Variants in RBFOX3 observed in about 807,000 individuals in gnomAD.
The protein encoded by RBFOX3 is RNA binding protein fox-1 homolog 3.
RBFOX3 carries 17 observed loss-of-function variants against 48.7 expected under a neutral mutation model. The ratio of observed to expected loss-of-function variants is 0.35; its 90% CI spans 0.24 to 0.52. The LOEUF (loss-of-function observed/expected upper bound fraction) is 0.52. Ranked by LOEUF, RBFOX3 falls within the 20% of genes least tolerant of loss-of-function variation. RBFOX3 has a pLI of 0.94. For missense variants in RBFOX3, 382 were observed against 497.5 expected, an observed-to-expected ratio of 0.77 and a Z score of 2.21; for synonymous variants, 212 against 209.5, an observed-to-expected ratio of 1.01 and a Z score of -0.10.
At chr17:79,424,423 C>G (rs1386985489) in intron 2 of RBFOX3, among the ~76,000 whole-genome samples, 1 of 152,184 alleles carries the variant, frequency 6.6e-6, no homozygotes, top group Non-Finnish European at 1.5e-5. Flanking sequence ...GCTGGCGGAG[C>G]CTGCCCTAAG....
At chr17:79,620,566 C>T in the RBFOX3 span, among the ~76,000 whole-genome samples, 97 of 136,046 alleles carry the variant, frequency 7.1e-4, no homozygotes, top group African/African-American at 2.2e-3. Context: ...TGTGCACACC[C>T]GCGCGTGCAC....
At chr17:79,585,807 C>T (rs902894644) in intron 1 of RBFOX3, among the ~76,000 whole-genome samples, 4 of 152,108 alleles carry the variant, frequency 2.6e-5, no homozygotes, top group Non-Finnish European at 5.9e-5. Flanking sequence ...CCTGATGGGC[C>T]GAGAGACAAG....
At chr17:79,616,639 T>C in the RBFOX3 span, among the ~76,000 whole-genome samples, 1 of 150,444 alleles carries the variant, frequency 6.6e-6, no homozygotes, top group African/African-American at 2.4e-5. Flanking sequence ...CTGCCAGGCC[T>C]GCTACCGCTG....
intron 4 of RBFOX3, among the ~76,000 whole-genome samples, chr17:79,206,362 G>T (rs1317504099): frequency 6.6e-6 from 1 of 152,188 alleles, no homozygotes; most frequent in Non-Finnish European, 1.5e-5. Context: ...GCAGGTCCAA[G>T]ATGCAGTGAC....
the RBFOX3 span, among the ~76,000 whole-genome samples, chr17:79,620,172 CAT>C: frequency 2.7e-5 from 4 of 147,674 alleles, no homozygotes; most frequent in South Asian, 2.2e-4. Flanking sequence ...CATGCACACA[CAT>C]GCACACACAT....
upstream of RBFOX3, among the ~76,000 whole-genome samples, chr17:79,614,606 G>T (rs906866075): frequency 1.2e-4 from 19 of 152,208 alleles, no homozygotes; most frequent in Non-Finnish European, 1.0e-4. Flanking sequence ...GCAGGGAGGA[G>T]AAAACATCAG....
intron 2 of RBFOX3, among the ~76,000 whole-genome samples, chr17:79,393,861 G>C (rs917236852): frequency 1.1e-4 from 16 of 150,898 alleles, no homozygotes; most frequent in Non-Finnish European, 2.2e-4. Flanking sequence ...ATCTGAGCCG[G>C]TCATCACGCA....
chr17:79,495,830 G>C (rs1298379828), intron 1 of RBFOX3, among the ~76,000 whole-genome samples: 1 of 151,628 alleles, frequency 6.6e-6, no homozygotes. Flanking sequence ...GTGGTTGGGG[G>C]TGTAGGCGGT....
At chr17:79,106,603 G>A in intron 6 of RBFOX3, 48 bp downstream of exon 6, 6 of 1,409,936 alleles carry the variant, frequency 4.3e-6, no homozygotes, top group Non-Finnish European at 5.5e-6. Flanking sequence ...CCACCCTGGA[G>A]CTGGGGCAGG....
chr17:79,274,942 A>T (rs1264392712), intron 3 of RBFOX3, among the ~76,000 whole-genome samples: 3 of 119,844 alleles, frequency 2.5e-5, no homozygotes, highest in African/African-American at 9.8e-5. Flanking sequence ...CCCTCCCCAC[A>T]CTAGGGTCTC....
intron 4 of RBFOX3, among the ~76,000 whole-genome samples, chr17:79,155,871 C>T (rs953422879): frequency 1.3e-4 from 20 of 152,194 alleles, no homozygotes; most frequent in Non-Finnish European, 8.8e-5. Flanking sequence ...TGTTCCCACC[C>T]GCACCTCTCC....
intron 2 of RBFOX3, among the ~76,000 whole-genome samples, chr17:79,350,723 C>A (rs2083761802): frequency 6.6e-6 from 1 of 152,188 alleles, no homozygotes. Context: ...GGAAGATGCA[C>A]CATCCTGTGA....
chr17:79,290,868 C>T (rs2073124762), intron 3 of RBFOX3, among the ~76,000 whole-genome samples: 1 of 152,222 alleles, frequency 6.6e-6, no homozygotes, highest in Admixed American at 6.5e-5. Context: ...CCTTGACACC[C>T]TGGCTGCGTT....
intron 1 of RBFOX3, among the ~76,000 whole-genome samples, chr17:79,551,509 A>AGGTGGATG (rs2091143903): frequency 4.1e-5 from 2 of 48,872 alleles, no homozygotes; most frequent in Admixed American, 3.1e-4. Flanking sequence ...ATGGACGGGT[A>AGGTGGATG]GGTGGATGGG....
chr17:79,441,731 G>C (rs1180632352), intron 2 of RBFOX3, among the ~76,000 whole-genome samples: 5 of 152,214 alleles, frequency 3.3e-5, no homozygotes, highest in African/African-American at 1.2e-4. Flanking sequence ...CTGCGTCCTT[G>C]CCTGGGAAAT....
chr17:79,112,914 G>GGGC (rs1568152506), intron 5 of RBFOX3, among the ~76,000 whole-genome samples: 1 of 103,692 alleles, frequency 9.6e-6, no homozygotes, highest in Admixed American at 9.3e-5. Flanking sequence ...CGGGGGGGGG[G>GGGC]TGGGCTGGGT....
At position 79,090,515 on chromosome 17, in the gene RBFOX3, T is replaced by C. The variant is rs766008831; in HGVS notation, c.*368A>G. The stretch of plus-strand genomic sequence containing the variant: ...GGCTCCACACTGTCTGTCTTGGGAG[T>C]TGGGGGCTGGGAAAGGAAGACTGGA... On this transcript the variant is annotated 3_prime_UTR_variant, in exon 15 of 15. Coordinates refer to ENST00000693108, the MANE Select transcript of RBFOX3 (RefSeq NM_001350451.2). 3.8e-6 allele frequency: 1 copy of C among 263,078 alleles called. No homozygotes were observed. 16.3% of individuals were successfully genotyped at this position (263,078 alleles called of 1,614,324 possible).
intron 4 of RBFOX3, chr17:79,136,138 G>A (rs1225145442): frequency 6.6e-6 from 1 of 152,234 alleles, no homozygotes. Context: ...TCAGAGACGT[G>A]ACAGCACCTT....
rs148859240 is a variant in RBFOX3, at chr17:79,204,448, C to A, written c.-34+31318G>T. On this transcript the variant is annotated intron_variant, in intron 4 of 14. Transcript: ENST00000693108. This position sits in a 1 kb window ranked among gnomAD's most constrained non-coding sequence, Gnocchi z 4.5. ...AGGGCTTAATATCCTGGAAAGGACA[C>A]GCGTACCAGTCCAGTGAACAGCTCC... 8.5e-5 allele frequency among the ~76,000 whole-genome samples: 13 copies of A among 152,298 alleles called. 1 individual carries two copies. In the South Asian group the frequency reaches 2.7e-3, roughly 32 times the overall value.
Sources: gnomAD v4.1 joint callset for allele counts (sites outside exome capture counted in the v4.1 genomes callset) on GRCh38, gnomAD v4.1.1 for gene constraint, Gnocchi (gnomAD v3.1) non-coding constraint, MANE v1.5 for transcripts, NCBI Gene and HGNC (gene_info 2026-07-23, HGNC 2026-07-21) for gene names.